SEMA6B: variants seen among roughly 807,000 people sequenced by gnomAD.
The protein encoded by SEMA6B is semaphorin 6B, also known as semaphorin-6B.
SEMA6B carries 47 observed loss-of-function variants against 78.6 expected under a neutral mutation model. That is an observed-to-expected ratio of 0.60 (90% CI 0.47 to 0.76). The LOEUF is 0.76. Among genes scored for constraint, SEMA6B ranks in the 30% least tolerant of loss-of-function variants. SEMA6B has a pLI of 0.00. For missense variants in SEMA6B, 1,213 were observed against 1,269.9 expected (o/e 0.96, Z 0.68); for synonymous variants, 632 against 592.2 (o/e 1.07, Z -0.98).
chr19:4,557,486 G>A (rs1252243505), intron 3 of SEMA6B, among the ~76,000 whole-genome samples: 4 of 152,138 alleles, frequency 2.6e-5, no homozygotes, highest in East Asian at 1.9e-4. Flanking sequence ...CCCACTCGGC[G>A]CCTCCCAGGC....
In SEMA6B at chr19:4,552,292, G is replaced by T; in HGVS notation, c.989+130C>A. 1.1e-6 allele frequency: 1 copy of T among 890,338 alleles called. No individual in the cohort carries two copies. Among genetic ancestry groups the T allele is most frequent in the Non-Finnish European group, 1.7e-6 (1 of 585,122 alleles). The allele number at this position is 890,338 out of a possible 1,614,324, so 55.2% of individuals were successfully genotyped here. A position where few individuals can be genotyped will look rare whatever the true frequency, so the allele number is the denominator to read the frequency against. On this transcript the variant is annotated intron_variant, in intron 10 of 16. Transcript: ENST00000586582. This position sits in a 1 kb window ranked among gnomAD's most constrained non-coding sequence, Gnocchi z 7.4. ...GCTTGTCCCACCCCAGCCTGGGGCC[G>T]AGGCCTCTCAGAGGTCTAATCCAGT...
Position 4,543,955 on chromosome 19 carries a change from G to A in SEMA6B, c.2313C>T (p.Asp771=). The A allele has an allele frequency of 1.7e-6, 2 of 1,201,904 alleles. No individual in the cohort carries two copies. The highest frequency in any genetic ancestry group is 2.1e-6 in the Non-Finnish European group (2 of 968,928). The allele number at this position is 1,201,904 out of a possible 1,614,324, so 74.5% of individuals were successfully genotyped here. ...CGGGCCGGGCAGCATAGAGGCGGCCGTCGGGGGTCGGCTCCCCAGGCGCGG... is the reference window on the plus strand; with the variant it reads ...CGGGCCGGGCAGCATAGAGGCGGCCATCGGGGGTCGGCTCCCCAGGCGCGG... ...QPPAPGEPTP[D]GRLYAARPGR... is the part of the protein sequence containing the mutation. Residue 771 remains aspartate (D), a synonymous_variant, in exon 17 of 17, where the codon GAC becomes GAT. Coordinates refer to ENST00000586582, the MANE Select transcript of SEMA6B (RefSeq NM_032108.4).
At chr19:4,554,910 G>A in intron 8 of SEMA6B, 66 bp downstream of exon 8, 1 of 1,563,726 alleles carries the variant, frequency 6.4e-7, no homozygotes, top group Non-Finnish European at 8.7e-7. Flanking sequence ...TTCTGGTGGG[G>A]AGATTTGATG....
chr19:4,550,149 C>T lies in SEMA6B; in HGVS notation c.1245G>A (p.Ala415=), dbSNP rs144907430. 81 of 1,613,808 alleles carry T rather than the reference C, an allele frequency of 5.0e-5. 2 individuals are homozygous for T. Among genetic ancestry groups the T allele is most frequent in the South Asian group, 4.8e-4 (44 of 91,076 alleles). The change falls in exon 12 of 17, where the codon GCG becomes GCA. Residue 415 remains alanine (A), a synonymous_variant. Transcript: ENST00000586582. This position sits in a 1 kb window ranked among gnomAD's most constrained non-coding sequence, Gnocchi z 6.6. The stretch of plus-strand genomic sequence containing the variant: ...TCATCAGGGTCCGCAGGATCCAGGG[C>T]GCATGGCCCAGCGAGGGCACCGCCT... ...MDEAVPSLGH[A]PWILRTLMRH... is the part of the protein sequence containing the mutation.
In SEMA6B at chr19:4,543,409, T is replaced by A; in HGVS notation, c.*192A>T. On this transcript the variant is annotated 3_prime_UTR_variant, in exon 17 of 17. Coordinates refer to ENST00000586582, the MANE Select transcript of SEMA6B (RefSeq NM_032108.4). ...CCACCCCCAAACCGTCTCAGCGTCCTGCGGCCCCGGGTAGGGGGAGGGCGA... is the reference window on the plus strand; with the variant it reads ...CCACCCCCAAACCGTCTCAGCGTCCAGCGGCCCCGGGTAGGGGGAGGGCGA... 1 of 69,470 alleles carries A rather than the reference T, an allele frequency of 1.4e-5. No homozygotes were observed. Among genetic ancestry groups the A allele is most frequent in the Non-Finnish European group, 2.5e-5 (1 of 39,522 alleles). The allele number at this position is 69,470 out of a possible 1,614,324, so 4.3% of individuals were successfully genotyped here. A position where few individuals can be genotyped will look rare whatever the true frequency, so the allele number is the denominator to read the frequency against.
chr19:4,552,308 C>A lies in SEMA6B; in HGVS notation c.989+114G>T. 1 of 1,061,342 alleles carries A rather than the reference C, an allele frequency of 9.4e-7. No individual in the cohort carries two copies. Among genetic ancestry groups the A allele is most frequent in the Non-Finnish European group, 1.4e-6 (1 of 736,096 alleles). The allele number at this position is 1,061,342 out of a possible 1,614,324, so 65.7% of individuals were successfully genotyped here. ...CCTGGGGCCGAGGCCTCTCAGAGGT[C>A]TAATCCAGTGGTGCCCAACCTAGCA... On this transcript the variant is annotated intron_variant, in intron 10 of 16. Coordinates refer to ENST00000586582, the MANE Select transcript of SEMA6B (RefSeq NM_032108.4). This position sits in a 1 kb window ranked among gnomAD's most constrained non-coding sequence, Gnocchi z 7.4.
chr19:4,553,958 T>G (rs1389315814), intron 9 of SEMA6B, among the ~76,000 whole-genome samples: 1 of 151,682 alleles, frequency 6.6e-6, no homozygotes, highest in Admixed American at 6.6e-5. Context: ...AGTGCACGGA[T>G]GGATGGTAGT....
In SEMA6B at chr19:4,550,251, G is replaced by C. The variant is rs756719917; in HGVS notation, c.1143C>G (p.Pro381=). The part of the protein sequence containing the change: ...PRPRPGCCAA[P]GMQYNASSAL... ...CGCTGGAGGCATTGTACTGCATCCC[G>C]GGGGCTGCGCAGCACCCGGGCCTGG... Residue 381 remains proline (P), a synonymous_variant, in exon 12 of 17, where the codon CCC becomes CCG. Coordinates refer to ENST00000586582, the MANE Select transcript of SEMA6B (RefSeq NM_032108.4). This position sits in a 1 kb window ranked among gnomAD's most constrained non-coding sequence, Gnocchi z 6.6. 2 of 1,613,166 alleles carry C rather than the reference G, an allele frequency of 1.2e-6. No individual in the cohort carries two copies. Among genetic ancestry groups the C allele is most frequent in the Admixed American group, 1.7e-5 (1 of 59,984 alleles).
In SEMA6B at chr19:4,542,739, C is replaced by G. The variant is rs1485866337; in HGVS notation, c.*862G>C. 7 of 696,406 alleles carry G rather than the reference C, an allele frequency of 1.0e-5. No homozygotes were observed. In the African/African-American group the frequency reaches 1.2e-4, roughly 12 times the overall value. 43.1% of individuals were successfully genotyped at this position (696,406 alleles called of 1,614,324 possible). A position where few individuals can be genotyped will look rare whatever the true frequency, so the allele number is the denominator to read the frequency against. On this transcript the variant is annotated 3_prime_UTR_variant, in exon 17 of 17. Transcript: ENST00000586582. ...ACAAGGGGACGGGTGGCATGGGACTCTCTCACCACCCTGGGGCCGTATTTA... is the reference window on the plus strand; with the variant it reads ...ACAAGGGGACGGGTGGCATGGGACTGTCTCACCACCCTGGGGCCGTATTTA...
Position 4,555,192 on chromosome 19 carries a change from G to T in SEMA6B, c.563-97C>A. On this transcript the variant is annotated intron_variant, in intron 7 of 16. Coordinates refer to ENST00000586582, the MANE Select transcript of SEMA6B (RefSeq NM_032108.4). This position sits in a 1 kb window ranked among gnomAD's most constrained non-coding sequence, Gnocchi z 6.1. Reference sequence around the variant, plus strand: ...TCGATTTTCTGAGACTGAGTCCTGAGCCTAGGGGAGCCCCTGTCTCCAGGC... The same window carrying T: ...TCGATTTTCTGAGACTGAGTCCTGATCCTAGGGGAGCCCCTGTCTCCAGGC... The T allele has an allele frequency of 7.7e-7, 1 of 1,292,458 alleles. No individual in the cohort carries two copies. Among genetic ancestry groups the T allele is most frequent in the Non-Finnish European group, 1.1e-6 (1 of 922,428 alleles). The allele number at this position is 1,292,458 out of a possible 1,614,324, so 80.1% of individuals were successfully genotyped here.
In SEMA6B at chr19:4,554,740, T is replaced by C. The variant is rs944768656; in HGVS notation, c.682+236A>G. On this transcript the variant is annotated intron_variant, in intron 8 of 16. Transcript: ENST00000586582. ...TGAAGAGCTGAGTCCTGCTATATCT[T>C]TTCTGTGGTTCCATTTTGGGCTTCT... Among the ~76,000 whole-genome samples, 15 of 152,226 alleles carry C rather than the reference T, an allele frequency of 9.9e-5. No individual in the cohort carries two copies. The East Asian group carries it at 2.3e-3, about 23-fold the overall frequency.
At position 4,544,182 on chromosome 19, in the gene SEMA6B, G is replaced by C. The variant is rs1418798663; in HGVS notation, c.2086C>G (p.Gln696Glu). 6 of 1,269,950 alleles carry C rather than the reference G, an allele frequency of 4.7e-6. No homozygotes were observed. Among genetic ancestry groups the C allele is most frequent in the African/African-American group, 3.1e-5 (2 of 64,184 alleles). 78.7% of individuals were successfully genotyped at this position (1,269,950 alleles called of 1,614,324 possible). Reference sequence around the variant, plus strand: ...GAGTCCAGGTCGTGGGGCCCGCCCTGCAGCAGCGTGGCCTTGGCCCAGCCG... The same window carrying C: ...GAGTCCAGGTCGTGGGGCCCGCCCTCCAGCAGCGTGGCCTTGGCCCAGCCG... The part of the protein sequence containing the change: ...QNGWAKATLL[Q>E]GGPHDLDSGL... The change falls in exon 17 of 17, where the codon CAG becomes GAG. Residue 696 changes from glutamine to glutamate, a missense_variant. By Grantham distance (29) the Gln-to-Glu change is conservative. Transcript: ENST00000586582. This position sits in a 1 kb window ranked among gnomAD's most constrained non-coding sequence, Gnocchi z 5.1.
chr19:4,547,449 A>C (rs1055104354), intron 14 of SEMA6B, among the ~76,000 whole-genome samples: 1 of 152,214 alleles, frequency 6.6e-6, no homozygotes, highest in African/African-American at 2.4e-5. Context: ...ACTCGGAGCT[A>C]CTGGGTCATT....
In SEMA6B at chr19:4,558,147, G is replaced by A; in HGVS notation, c.124C>T (p.Leu42=). Reference sequence around the variant, plus strand: ...CCCACAAACACGGGATAGTGGTTCAGGTCTGAGTGAGGGGGTGGAGAGGGG... The same window carrying A: ...CCCACAAACACGGGATAGTGGTTCAAGTCTGAGTGAGGGGGTGGAGAGGGG... ...PPLSVAPRDY[L]NHYPVFVGSG... is the part of the protein sequence containing the mutation. Residue 42 remains leucine, a splice_region_variant and synonymous_variant, in exon 3 of 17, where the codon CTG becomes TTG. Transcript: ENST00000586582. The surrounding 1 kb of genome is among the most constrained non-coding windows in gnomAD (Gnocchi z 5.1). The A allele has an allele frequency of 6.8e-7, 1 of 1,477,524 alleles. No homozygotes were observed. The highest frequency in any genetic ancestry group is 1.4e-5 in the South Asian group (1 of 72,922). The allele number at this position is 1,477,524 out of a possible 1,614,324, so 91.5% of individuals were successfully genotyped here.
rs1027807671 is a variant in SEMA6B at position 4,543,465 on chromosome 19, C to G, written c.*136G>C. ...TTGTGCTTCCTTGTGGCGGAGGGGG[C>G]CCCCCACTCCGCGGGTGGGTCGCGG... On this transcript the variant is annotated 3_prime_UTR_variant, in exon 17 of 17. Transcript: ENST00000586582. The G allele has an allele frequency of 1.5e-4, 20 of 129,692 alleles. No homozygotes were observed. In the East Asian group the frequency reaches 4.5e-3, roughly 29 times the overall value. 8.0% of individuals were successfully genotyped at this position (129,692 alleles called of 1,614,324 possible). A position where few individuals can be genotyped will look rare whatever the true frequency, so the allele number is the denominator to read the frequency against.
intron 9 of SEMA6B, among the ~76,000 whole-genome samples, chr19:4,553,627 G>T (rs1977393288): frequency 6.7e-6 from 1 of 149,778 alleles, no homozygotes; most frequent in Non-Finnish European, 1.5e-5. Flanking sequence ...ATAGATGAAG[G>T]ATGGATGGAT....
At position 4,555,146 on chromosome 19, in the gene SEMA6B, A is replaced by G; in HGVS notation, c.563-51T>C. 1.2e-6 allele frequency: 2 copies of G among 1,604,532 alleles called. No homozygotes were observed. Among genetic ancestry groups the G allele is most frequent in the South Asian group, 2.2e-5 (2 of 90,608 alleles). On this transcript the variant is annotated intron_variant, in intron 7 of 16. Coordinates refer to ENST00000586582, the MANE Select transcript of SEMA6B (RefSeq NM_032108.4). This position sits in a 1 kb window ranked among gnomAD's most constrained non-coding sequence, Gnocchi z 6.1. ...GGCAAGAGATGAGACCGCAGAGGCCAGGGGCTGGGTGGGTCGAAACTCGAT... is the reference window on the plus strand; with the variant it reads ...GGCAAGAGATGAGACCGCAGAGGCCGGGGGCTGGGTGGGTCGAAACTCGAT...
Position 4,544,144 on chromosome 19 carries a change from G to A in SEMA6B, c.2124C>T (p.Pro708=). ...GPHDLDSGLL[P]TPEQTPLPQK... ...GCGGCAGCGGCGTCTGCTCGGGCGT[G>A]GGCAGCAGCCCCGAGTCCAGGTCGT... Residue 708 remains proline (P), a synonymous_variant, in exon 17 of 17, where the codon CCC becomes CCT. Coordinates refer to ENST00000586582, the MANE Select transcript of SEMA6B (RefSeq NM_032108.4). The surrounding 1 kb of genome is among the most constrained non-coding windows in gnomAD (Gnocchi z 5.1). 1.6e-6 allele frequency: 2 copies of A among 1,275,764 alleles called. No homozygotes were observed. Among genetic ancestry groups the A allele is most frequent in the Non-Finnish European group, 2.0e-6 (2 of 1,013,082 alleles). 79.0% of individuals were successfully genotyped at this position (1,275,764 alleles called of 1,614,324 possible). A position where few individuals can be genotyped will look rare whatever the true frequency, so the allele number is the denominator to read the frequency against.
intron 12 of SEMA6B, among the ~76,000 whole-genome samples, chr19:4,549,183 G>A (rs1977251081): frequency 6.6e-6 from 1 of 151,098 alleles, no homozygotes; most frequent in African/African-American, 2.4e-5. Flanking sequence ...TTCTCTCTTT[G>A]TCTCTCTTCC....
Sources: allele counts gnomAD v4.1 joint callset (sites outside exome capture counted in the v4.1 genomes callset), GRCh38; gene constraint gnomAD v4.1.1; non-coding constraint Gnocchi (gnomAD v3.1); transcripts MANE v1.5; gene names NCBI Gene and HGNC (gene_info 2026-07-23, HGNC 2026-07-21).